GPC6: variants seen among roughly 807,000 people sequenced by gnomAD.
The protein encoded by GPC6 is glypican 6, also known as glypican-6.
A neutral mutation model predicts 55.2 loss-of-function variants in GPC6; 14 were observed. That is an observed-to-expected ratio of 0.25 (90% CI 0.17 to 0.40). The LOEUF is 0.40. Among genes scored for constraint, GPC6 ranks in the 10% least tolerant of loss-of-function variants. GPC6 has a pLI of 1.00. For missense variants in GPC6, 641 were observed against 708.5 expected, an observed-to-expected ratio of 0.90 and a Z score of 1.08; for synonymous variants, 278 against 259.6, an observed-to-expected ratio of 1.07 and a Z score of -0.68.
chr13:93,250,252 A>G (rs147366772), intron 1 of GPC6, among the ~76,000 whole-genome samples: 40 of 152,334 alleles, frequency 2.6e-4, no homozygotes, highest in African/African-American at 9.6e-4. Context: ...CAATTAACAC[A>G]GAGTAGAGGA....
chr13:93,965,571 A>G (rs1478285272), intron 3 of GPC6, among the ~76,000 whole-genome samples: 1 of 152,112 alleles, frequency 6.6e-6, no homozygotes, highest in Non-Finnish European at 1.5e-5. Context: ...TGAGGACTTG[A>G]GAGAGCTTGT....
chr13:93,356,654 AG>A (rs1239944748), intron 1 of GPC6, among the ~76,000 whole-genome samples: 1 of 152,258 alleles, frequency 6.6e-6, no homozygotes, highest in Admixed American at 6.5e-5. Flanking sequence ...TGTTAGCTCC[AG>A]GCAAACACGG....
intron 1 of GPC6, among the ~76,000 whole-genome samples, chr13:93,505,392 T>A (rs574057915): frequency 2.6e-5 from 4 of 152,108 alleles, no homozygotes; most frequent in East Asian, 3.9e-4. Context: ...TTTATGTGTG[T>A]TACTGTTTAA....
At chr13:93,364,191 T>C (rs1881155241) in intron 1 of GPC6, among the ~76,000 whole-genome samples, 1 of 152,184 alleles carries the variant, frequency 6.6e-6, no homozygotes, top group Admixed American at 6.6e-5. Context: ...TTTGGTGTTT[T>C]AGACATGAAG....
intron 1 of GPC6, among the ~76,000 whole-genome samples, chr13:93,544,685 T>A (rs1240478723): frequency 6.6e-6 from 1 of 152,204 alleles, no homozygotes; most frequent in African/African-American, 2.4e-5. Context: ...AAGCATTAAT[T>A]AAACCCATCA....
chr13:93,922,387 G>T (rs1424883711), intron 3 of GPC6, among the ~76,000 whole-genome samples: 1 of 152,182 alleles, frequency 6.6e-6, no homozygotes, highest in East Asian at 1.9e-4. Flanking sequence ...TTTGGTACTT[G>T]AGGACTTAAG....
chr13:93,398,402 G>A lies in GPC6; in HGVS notation c.161-146861G>A, dbSNP rs577154005. ...AGAAGTGGTGTGCTTTGTTTCATAT[G>A]CTACAAACTCCACTTGTCTTTTCAG... On this transcript the variant is annotated intron_variant, in intron 1 of 8. Coordinates refer to ENST00000377047, the MANE Select transcript of GPC6 (RefSeq NM_005708.5). 4.6e-5 allele frequency among the ~76,000 whole-genome samples: 7 copies of A among 152,272 alleles called. No homozygotes were observed. The South Asian group carries it at 1.2e-3, about 27-fold the overall frequency.
intron 1 of GPC6, among the ~76,000 whole-genome samples, chr13:93,414,267 C>T (rs908470656): frequency 5.3e-5 from 8 of 152,118 alleles, no homozygotes; most frequent in African/African-American, 1.9e-4. Flanking sequence ...CCCATTCACC[C>T]TCCCCTAACA....
chr13:94,308,098 A>C (rs1876047101), intron 6 of GPC6, among the ~76,000 whole-genome samples: 1 of 152,232 alleles, frequency 6.6e-6, no homozygotes. Context: ...CACTTAGTTA[A>C]AATTGCACTG....
chr13:94,267,676 T>G (rs1324395542), intron 4 of GPC6, among the ~76,000 whole-genome samples: 1 of 152,212 alleles, frequency 6.6e-6, no homozygotes, highest in Non-Finnish European at 1.5e-5. Context: ...TAAAGTGTGA[T>G]TCCATCCTGA....
intron 3 of GPC6, among the ~76,000 whole-genome samples, 199 bp from the exon 4 acceptor site, chr13:94,027,530 T>C (rs2138720464): frequency 6.6e-6 from 1 of 152,084 alleles, no homozygotes; most frequent in African/African-American, 2.4e-5. Flanking sequence ...GACATCGATA[T>C]GAAAATGTTG....
chr13:94,022,201 A>G (rs1882723212), intron 3 of GPC6, among the ~76,000 whole-genome samples: 1 of 151,990 alleles, frequency 6.6e-6, no homozygotes, highest in East Asian at 1.9e-4. Context: ...CATTCTACAT[A>G]ATTGCTACTT....
intron 6 of GPC6, among the ~76,000 whole-genome samples, chr13:94,324,115 T>G (rs928418087): frequency 1.3e-5 from 2 of 152,018 alleles, no homozygotes; most frequent in Non-Finnish European, 2.9e-5. Context: ...GGTGAACATT[T>G]GGGAAGCTGA....
chr13:93,754,542 G>A (rs1376291954), intron 2 of GPC6, among the ~76,000 whole-genome samples: 1 of 151,954 alleles, frequency 6.6e-6, no homozygotes, highest in African/African-American at 2.4e-5. Flanking sequence ...ATTAGGTAAA[G>A]AGCTGTCAAA....
chr13:94,123,560 A>G (rs1886707080), intron 4 of GPC6, among the ~76,000 whole-genome samples: 1 of 152,038 alleles, frequency 6.6e-6, no homozygotes, highest in Non-Finnish European at 1.5e-5. Flanking sequence ...CTAAGATATG[A>G]TGGTATAAAT....
intron 2 of GPC6, among the ~76,000 whole-genome samples, chr13:93,600,162 G>T (rs1474030678): frequency 6.6e-6 from 1 of 152,054 alleles, no homozygotes; most frequent in Non-Finnish European, 1.5e-5. Flanking sequence ...GTACTAAATT[G>T]AATAAATACT....
At chr13:93,404,218 G>A (rs1399061598) in intron 1 of GPC6, among the ~76,000 whole-genome samples, 2 of 152,006 alleles carry the variant, frequency 1.3e-5, no homozygotes, top group Non-Finnish European at 2.9e-5. Flanking sequence ...CAACTATAAC[G>A]AAGACTGGAG....
intron 4 of GPC6, among the ~76,000 whole-genome samples, chr13:94,153,074 A>G (rs772728305): frequency 1.3e-5 from 2 of 152,156 alleles, no homozygotes; most frequent in African/African-American, 4.8e-5. Flanking sequence ...TCGTGCAACC[A>G]TTACTGGAAT....
chr13:94,119,199 C>T (rs369515725), intron 4 of GPC6, among the ~76,000 whole-genome samples: 1 of 151,950 alleles, frequency 6.6e-6, no homozygotes, highest in African/African-American at 2.4e-5. Context: ...TCGTTGGTAT[C>T]TAATGCACAA....
Sources: gnomAD v4.1 joint callset for allele counts (sites outside exome capture counted in the v4.1 genomes callset) on GRCh38, gnomAD v4.1.1 for gene constraint, MANE v1.5 for transcripts, NCBI Gene and HGNC (gene_info 2026-07-23, HGNC 2026-07-21) for gene names.